The following PRKG1 variants were observed in gnomAD, a reference collection of about 807,000 sequenced individuals.
PRKG1 encodes cGMP-dependent protein kinase 1.
Under a neutral mutation model 88.1 loss-of-function variants are expected in PRKG1, and 35 were observed. The observed-to-expected ratio is 0.40, with a 90% CI of 0.30 to 0.53. The LOEUF is 0.53. PRKG1 is among the 20% of genes least tolerant of loss of function. The probability of loss-of-function intolerance (pLI) is 0.59; values close to 1 mark genes in which losing one functional copy is unlikely to be tolerated. For synonymous variants in PRKG1, 303 were observed against 292.5 expected, an observed-to-expected ratio of 1.04 and a Z score of -0.37; for missense variants, 540 against 839.8, an observed-to-expected ratio of 0.64 and a Z score of 4.41.
intron 2 of PRKG1, among the ~76,000 whole-genome samples, chr10:51,275,984 C>A (rs968613438): frequency 6.6e-6 from 1 of 150,426 alleles, no homozygotes; most frequent in Non-Finnish European, 1.5e-5. Flanking sequence ...TTTTATTGCA[C>A]TTTAAGTTCT....
At chr10:51,807,955 G>A (rs1839350231) in intron 4 of PRKG1, among the ~76,000 whole-genome samples, 1 of 152,094 alleles carries the variant, frequency 6.6e-6, no homozygotes, top group Non-Finnish European at 1.5e-5. Flanking sequence ...CCTTCAGGGT[G>A]TGTTTTTCTG....
chr10:51,873,175 A>G (rs963492451), intron 4 of PRKG1, among the ~76,000 whole-genome samples: 1 of 152,122 alleles, frequency 6.6e-6, no homozygotes, highest in African/African-American at 2.4e-5. Flanking sequence ...TATCATTCAA[A>G]CTTAACTTGA....
chr10:51,338,550 C>T (rs1408602672), intron 2 of PRKG1, among the ~76,000 whole-genome samples: 1 of 152,052 alleles, frequency 6.6e-6, no homozygotes, highest in Non-Finnish European at 1.5e-5. Flanking sequence ...ATACATGGAC[C>T]AGGGGCCATG....
intron 3 of PRKG1, among the ~76,000 whole-genome samples, chr10:51,634,754 A>T (rs1187015766): frequency 6.6e-6 from 1 of 152,178 alleles, no homozygotes; most frequent in East Asian, 1.9e-4. Context: ...CTACACAGCC[A>T]TAAAAAAGAA....
At chr10:51,636,144 A>T (rs1426459679) in intron 3 of PRKG1, among the ~76,000 whole-genome samples, 1 of 152,006 alleles carries the variant, frequency 6.6e-6, no homozygotes, top group Non-Finnish European at 1.5e-5. Context: ...TTTTTTTTAG[A>T]AGTAAGTGGA....
chr10:51,947,185 G>T (rs1426099814), intron 5 of PRKG1, among the ~76,000 whole-genome samples: 1 of 152,162 alleles, frequency 6.6e-6, no homozygotes, highest in Non-Finnish European at 1.5e-5. Flanking sequence ...CCCTCCCCCA[G>T]CCTCGCTGCC....
intron 2 of PRKG1, among the ~76,000 whole-genome samples, chr10:51,447,557 C>T (rs1225065689): frequency 1.3e-5 from 2 of 152,040 alleles, no homozygotes; most frequent in Non-Finnish European, 2.9e-5. Flanking sequence ...TGCTACATTG[C>T]ATCCTATTTC....
chr10:51,124,297 A>G (rs1353421853), intron 1 of PRKG1, among the ~76,000 whole-genome samples: 2 of 152,158 alleles, frequency 1.3e-5, no homozygotes, highest in East Asian at 3.9e-4. Flanking sequence ...TGTGGACCCA[A>G]ATTTGACGTA....
At chr10:51,442,398 C>T (rs1470537632) in intron 2 of PRKG1, among the ~76,000 whole-genome samples, 1 of 151,764 alleles carries the variant, frequency 6.6e-6, no homozygotes, top group Non-Finnish European at 1.5e-5. Context: ...AAAATTAGTA[C>T]TATAATAGTT....
At chr10:51,910,385 T>C (rs1842190686) in intron 5 of PRKG1, 2 of 152,150 alleles carry the variant, frequency 1.3e-5, no homozygotes, top group South Asian at 4.1e-4. Context: ...TCTTCTAAGA[T>C]TACATTTCAA....
At chr10:51,557,586 C>T (rs1837346825) in intron 3 of PRKG1, among the ~76,000 whole-genome samples, 3 of 152,016 alleles carry the variant, frequency 2.0e-5, no homozygotes, top group African/African-American at 7.2e-5. Context: ...CATTCTTTGA[C>T]ACTTAGAAAC....
chr10:51,148,682 G>A (rs1208190531), intron 1 of PRKG1, among the ~76,000 whole-genome samples: 1 of 152,092 alleles, frequency 6.6e-6, no homozygotes, highest in Non-Finnish European at 1.5e-5. Context: ...TTGCCTGAGA[G>A]TAAGTGATTT....
At chr10:51,165,653 C>G (rs959553758) in intron 2 of PRKG1, among the ~76,000 whole-genome samples, 1 of 152,058 alleles carries the variant, frequency 6.6e-6, no homozygotes, top group Non-Finnish European at 1.5e-5. Context: ...GGAAACCCAT[C>G]TCACGTGCAG....
chr10:51,714,120 C>T (rs1173046010), intron 3 of PRKG1, among the ~76,000 whole-genome samples: 12 of 152,166 alleles, frequency 7.9e-5, no homozygotes, highest in Non-Finnish European at 1.2e-4. Flanking sequence ...GCTGGGACTA[C>T]AGGCGCCCGC....
At chr10:51,052,025 G>T (rs1843568485) in intron 1 of PRKG1, among the ~76,000 whole-genome samples, 1 of 152,094 alleles carries the variant, frequency 6.6e-6, no homozygotes, top group African/African-American at 2.4e-5. Flanking sequence ...AGGACTTATT[G>T]AATTATGCTT....
chr10:52,092,257 G>T (rs1275500545), intron 7 of PRKG1, among the ~76,000 whole-genome samples: 1 of 152,014 alleles, frequency 6.6e-6, no homozygotes, highest in Non-Finnish European at 1.5e-5. Context: ...ATTTGCTCCA[G>T]CCTATTTATG....
At chr10:51,712,625 A>T (rs1372435918) in intron 3 of PRKG1, among the ~76,000 whole-genome samples, 1 of 115,728 alleles carries the variant, frequency 8.6e-6, no homozygotes, top group African/African-American at 3.5e-5. Context: ...AGTCTCGCTC[A>T]GTCGCCCAGG....
chr10:51,316,999 G>C (rs1409538792), intron 2 of PRKG1, among the ~76,000 whole-genome samples: 1 of 152,186 alleles, frequency 6.6e-6, no homozygotes, highest in Non-Finnish European at 1.5e-5. Context: ...CTGCAGGCCA[G>C]TTGCAAGTAG....
At chr10:51,234,908 T>C (rs543774363) in intron 2 of PRKG1, among the ~76,000 whole-genome samples, 1 of 152,296 alleles carries the variant, frequency 6.6e-6, no homozygotes, top group African/African-American at 2.4e-5. Context: ...TTCTAACAAT[T>C]TATAGGCTGT....
Sources: gnomAD v4.1 joint callset for allele counts (sites outside exome capture counted in the v4.1 genomes callset) on GRCh38, gnomAD v4.1.1 for gene constraint, MANE v1.5 for transcripts, NCBI Gene and HGNC (gene_info 2026-07-23, HGNC 2026-07-21) for gene names.